Variants in ERC1 observed in about 807,000 individuals in gnomAD.
The protein encoded by ERC1 is ELKS/RAB6-interacting/CAST family member 1.
A neutral mutation model predicts 132.0 loss-of-function variants in ERC1; 56 were observed. The ratio of observed to expected loss-of-function variants is 0.42; its 90% CI spans 0.34 to 0.53. The LOEUF is 0.53. Ranked by LOEUF, ERC1 falls within the 20% of genes least tolerant of loss-of-function variation. ERC1 has a pLI of 0.03. For synonymous variants in ERC1, 478 were observed against 476.1 expected (o/e 1.00, Z -0.05); for missense variants, 1,202 against 1,349.9 (o/e 0.89, Z 1.72).
chr12:1,247,686 C>T (rs1032455131), intron 13 of ERC1, among the ~76,000 whole-genome samples: 11 of 152,072 alleles, frequency 7.2e-5, no homozygotes, highest in African/African-American at 9.7e-5. Context: ...TTCGTAAACC[C>T]GTAGTTTAAT....
chr12:1,109,718 C>T (rs1945642801), intron 4 of ERC1, among the ~76,000 whole-genome samples: 1 of 152,202 alleles, frequency 6.6e-6, no homozygotes, highest in Non-Finnish European at 1.5e-5. Flanking sequence ...GAGTGCTTCT[C>T]CTCCCACTCA....
intron 17 of ERC1, among the ~76,000 whole-genome samples, chr12:1,424,848 A>AGATAGAT (rs1565411179): frequency 5.5e-5 from 6 of 109,748 alleles, no homozygotes; most frequent in South Asian, 3.1e-4. Flanking sequence ...GATAGATGAT[A>AGATAGAT]GATAGATAGA....
intron 1 of ERC1, among the ~76,000 whole-genome samples, chr12:997,853 T>A (rs1961261206): frequency 6.6e-6 from 1 of 152,202 alleles, no homozygotes; most frequent in African/African-American, 2.4e-5. Flanking sequence ...GTGTCCTGAT[T>A]GGAAAGTCAG....
intron 2 of ERC1, among the ~76,000 whole-genome samples, chr12:1,041,941 G>T (rs1970278979): frequency 6.6e-6 from 1 of 152,128 alleles, no homozygotes; most frequent in South Asian, 2.1e-4. Flanking sequence ...TAGAGACGGG[G>T]TGTTGCCATG....
chr12:1,417,199 C>G (rs1356374101), intron 17 of ERC1, among the ~76,000 whole-genome samples: 1 of 152,150 alleles, frequency 6.6e-6, no homozygotes, highest in African/African-American at 2.4e-5. Context: ...ATCTTCATTT[C>G]TGCTTTTCAC....
chr12:1,223,172 G>T (rs1043139185), intron 12 of ERC1, among the ~76,000 whole-genome samples: 1 of 152,170 alleles, frequency 6.6e-6, no homozygotes, highest in Non-Finnish European at 1.5e-5. Flanking sequence ...CAGTAAAACA[G>T]GTATGTAGAC....
chr12:1,363,870 C>T (rs1041984399), intron 15 of ERC1, among the ~76,000 whole-genome samples: 4 of 152,142 alleles, frequency 2.6e-5, no homozygotes, highest in African/African-American at 9.7e-5. Context: ...GTGTATTTCT[C>T]ACTGTAGGTC....
At chr12:1,102,510 A>C (rs1944783294) in intron 3 of ERC1, among the ~76,000 whole-genome samples, 1 of 152,130 alleles carries the variant, frequency 6.6e-6, no homozygotes, top group East Asian at 1.9e-4. Flanking sequence ...GAGGTGTACA[A>C]AATTCAGCAC....
chr12:1,417,413 A>T (rs183037409), intron 17 of ERC1, among the ~76,000 whole-genome samples: 2 of 150,408 alleles, frequency 1.3e-5, no homozygotes, highest in Admixed American at 6.6e-5. Context: ...GAAACACATA[A>T]ACAGTTTTGC....
At chr12:1,385,026 C>T (rs1424978042) in intron 16 of ERC1, among the ~76,000 whole-genome samples, 1 of 152,176 alleles carries the variant, frequency 6.6e-6, no homozygotes, top group Non-Finnish European at 1.5e-5. Flanking sequence ...TACATATGCA[C>T]TTTACGAGTA....
At chr12:1,201,488 T>C (rs1594180524) in intron 12 of ERC1, among the ~76,000 whole-genome samples, 1 of 152,328 alleles carries the variant, frequency 6.6e-6, no homozygotes, top group East Asian at 1.9e-4. Flanking sequence ...CTAGTATAAA[T>C]TGTAAATTAG....
intron 2 of ERC1, among the ~76,000 whole-genome samples, chr12:1,043,048 CTT>C (rs397940397): frequency 9.2e-5 from 11 of 118,988 alleles, no homozygotes; most frequent in Admixed American, 2.8e-4. Flanking sequence ...CTTTTCTTTT[CTT>C]TTTTTTTTTT....
intron 12 of ERC1, among the ~76,000 whole-genome samples, chr12:1,233,713 G>A (rs1248038582): frequency 2.0e-5 from 3 of 152,078 alleles, no homozygotes; most frequent in Non-Finnish European, 2.9e-5. Context: ...AATGTGAGTC[G>A]TTGTATGGAA....
chr12:1,274,483 T>A lies in ERC1; in HGVS notation c.2619+11318T>A, dbSNP rs866776298. ...TCGTCTATTTTATTTTATTTTATTTTATTTATTTATTTATTTATTTATTTA... is the reference window on the plus strand; with the variant it reads ...TCGTCTATTTTATTTTATTTTATTTAATTTATTTATTTATTTATTTATTTA... On this transcript the variant is annotated intron_variant, in intron 14 of 18. Transcript: ENST00000360905. Among the ~76,000 whole-genome samples, 5 of 146,750 alleles carry A rather than the reference T, an allele frequency of 3.4e-5. No individual in the cohort carries two copies. In the East Asian group the frequency reaches 5.9e-4, roughly 17 times the overall value.
At chr12:1,091,776 G>A (rs1943254182) in intron 3 of ERC1, among the ~76,000 whole-genome samples, 1 of 152,152 alleles carries the variant, frequency 6.6e-6, no homozygotes, top group South Asian at 2.1e-4. Context: ...ATAAATGGAG[G>A]AAGGAGAGAA....
At chr12:1,322,510 G>C (rs552844665) in intron 15 of ERC1, among the ~76,000 whole-genome samples, 1 of 152,248 alleles carries the variant, frequency 6.6e-6, no homozygotes, top group South Asian at 2.1e-4. Flanking sequence ...CTATCAGTTT[G>C]TCTTCAATCC....
chr12:1,221,862 G>A (rs1274430476), intron 12 of ERC1, among the ~76,000 whole-genome samples: 1 of 152,196 alleles, frequency 6.6e-6, no homozygotes, highest in African/African-American at 2.4e-5. Flanking sequence ...GTGCACGTGT[G>A]CAATATATAT....
intron 15 of ERC1, among the ~76,000 whole-genome samples, chr12:1,371,337 A>G (rs146596562): frequency 1.1e-4 from 16 of 152,310 alleles, no homozygotes; most frequent in African/African-American, 3.8e-4. Context: ...ATATAGGGGA[A>G]CTTATTAAGA....
intron 18 of ERC1, among the ~76,000 whole-genome samples, chr12:1,456,726 A>G (rs1194898114): frequency 2.0e-5 from 3 of 151,852 alleles, no homozygotes; most frequent in Non-Finnish European, 4.4e-5. Flanking sequence ...AGCAAGCAGA[A>G]GCTCGGATCT....
Sources: gnomAD v4.1 joint callset for allele counts (sites outside exome capture counted in the v4.1 genomes callset) on GRCh38, gnomAD v4.1.1 for gene constraint, MANE v1.5 for transcripts, NCBI Gene and HGNC (gene_info 2026-07-23, HGNC 2026-07-21) for gene names.